CSMD3: variants seen among roughly 807,000 people sequenced by gnomAD.
The protein encoded by CSMD3 is CUB and sushi domain-containing protein 3.
CSMD3 carries 177 observed loss-of-function variants against 435.2 expected under a neutral mutation model. The observed-to-expected ratio is 0.41, with a 90% CI of 0.36 to 0.46. CSMD3 has a LOEUF of 0.46. Ranked by LOEUF, CSMD3 falls within the 20% of genes least tolerant of loss-of-function variation. The pLI, the probability that CSMD3 is intolerant of heterozygous loss-of-function variation, is 0.34. For missense variants in CSMD3, 4,265 were observed against 4,504.6 expected (o/e 0.95, Z 1.52); for synonymous variants, 1,656 against 1,520.5 (o/e 1.09, Z -2.07).
chr8:112,476,236 G>A (rs1819039556), intron 31 of CSMD3, among the ~76,000 whole-genome samples: 1 of 152,022 alleles, frequency 6.6e-6, no homozygotes, highest in Admixed American at 6.6e-5. Flanking sequence ...AGTAGGGATG[G>A]GGTTTTACCA....
At chr8:113,048,570 A>T (rs1312183454) in intron 5 of CSMD3, among the ~76,000 whole-genome samples, 1 of 152,170 alleles carries the variant, frequency 6.6e-6, no homozygotes, top group Non-Finnish European at 1.5e-5. Context: ...CTCTAGATTA[A>T]AAAAGAAAGA....
At chr8:113,270,174 G>C (rs186470540) in intron 3 of CSMD3, among the ~76,000 whole-genome samples, 58 of 152,246 alleles carry the variant, frequency 3.8e-4, no homozygotes, top group African/African-American at 1.4e-3. Context: ...CTTCTCAAAA[G>C]AAGATATTTA....
chr8:113,327,513 C>T (rs952613163), intron 1 of CSMD3, among the ~76,000 whole-genome samples: 1 of 152,036 alleles, frequency 6.6e-6, no homozygotes. Context: ...TGCTCCCACT[C>T]CCCTCTTCCC....
intron 1 of CSMD3, among the ~76,000 whole-genome samples, chr8:113,395,509 T>C (rs1274419368): frequency 6.7e-6 from 1 of 150,366 alleles, no homozygotes; most frequent in African/African-American, 2.5e-5. Context: ...TTCGGGAGGC[T>C]GAGGCAGGAT....
intron 1 of CSMD3, among the ~76,000 whole-genome samples, chr8:113,405,917 G>T (rs1234710677): frequency 6.6e-6 from 1 of 151,660 alleles, no homozygotes; most frequent in Non-Finnish European, 1.5e-5. Context: ...GTAATGAGAG[G>T]ATTATTTAGA....
intron 40 of CSMD3, among the ~76,000 whole-genome samples, chr8:112,349,882 C>A (rs1333575048): frequency 6.6e-6 from 1 of 152,034 alleles, no homozygotes; most frequent in African/African-American, 2.4e-5. Context: ...TATGTCCCCC[C>A]AAAATTTATA....
intron 1 of CSMD3, among the ~76,000 whole-genome samples, chr8:113,319,043 A>T (rs556003174): frequency 2.0e-5 from 3 of 151,972 alleles, no homozygotes; most frequent in Non-Finnish European, 1.5e-5. Flanking sequence ...TGGTTCTTGT[A>T]TCTCATTTTG....
At chr8:113,275,569 G>T in intron 3 of CSMD3, among the ~76,000 whole-genome samples, 1 of 151,832 alleles carries the variant, frequency 6.6e-6, no homozygotes, top group Non-Finnish European at 1.5e-5. Flanking sequence ...TAATAAATAC[G>T]GTCTCATAAA....
chr8:112,874,144 T>G (rs2081213114), intron 10 of CSMD3, among the ~76,000 whole-genome samples: 1 of 152,180 alleles, frequency 6.6e-6, no homozygotes, highest in Admixed American at 6.5e-5. Flanking sequence ...ACTTATTTAT[T>G]TCTGCCTTAA....
At chr8:112,520,877 AATAG>A (rs1417512856) in intron 27 of CSMD3, among the ~76,000 whole-genome samples, 2 of 151,932 alleles carry the variant, frequency 1.3e-5, no homozygotes, top group East Asian at 3.9e-4. Flanking sequence ...AGGGTAAAGC[AATAG>A]ATAGAAGCAC....
At chr8:113,087,285 A>G (rs892408524) in intron 5 of CSMD3, among the ~76,000 whole-genome samples, 1 of 151,844 alleles carries the variant, frequency 6.6e-6, no homozygotes. Context: ...ATATTGCCCA[A>G]GGTAATTTAC....
intron 31 of CSMD3, among the ~76,000 whole-genome samples, chr8:112,488,328 C>T (rs1820339889): frequency 6.6e-6 from 1 of 152,104 alleles, no homozygotes; most frequent in Non-Finnish European, 1.5e-5. Context: ...ACACGCTAAA[C>T]ACGATATTAT....
At chr8:112,775,796 T>G (rs1322962642) in intron 13 of CSMD3, among the ~76,000 whole-genome samples, 2 of 152,040 alleles carry the variant, frequency 1.3e-5, no homozygotes, top group East Asian at 3.9e-4. Flanking sequence ...GTTTTAACTA[T>G]CTTCCATCTT....
chr8:112,292,540 T>G lies in CSMD3; in HGVS notation c.8785A>C (p.Lys2929Gln), dbSNP rs747768712. The change falls in exon 55 of 71, where the codon AAA becomes CAA. Residue 2929 changes from lysine to glutamine, a missense_variant. Around this residue, in one of 3 missense-constraint regions of CSMD3, gnomAD observed 3,255 missense variants for 3,380.2 expected, o/e 0.96. Coordinates refer to ENST00000297405, the MANE Select transcript of CSMD3 (RefSeq NM_198123.2). ...RQWSHPPPMCKVVNCSDPGIP... is the reference protein window; with the variant it reads ...RQWSHPPPMCQVVNCSDPGIP... The stretch of plus-strand genomic sequence containing the variant: ...GGGAATATACTTAGACATTTACCTT[T>G]GCACATAGGTGGAGGATGGCTCCAC... 4.3e-6 allele frequency: 7 copies of G among 1,613,656 alleles called. No individual in the cohort carries two copies. Among genetic ancestry groups the G allele is most frequent in the African/African-American group, 4.0e-5 (3 of 74,914 alleles).
chr8:113,279,025 T>C (rs2093593064), intron 2 of CSMD3, among the ~76,000 whole-genome samples: 1 of 151,642 alleles, frequency 6.6e-6, no homozygotes, highest in Non-Finnish European at 1.5e-5. Context: ...AGATAAATAC[T>C]AATTTATTCT....
At chr8:112,499,222 G>C (rs764169383) in intron 30 of CSMD3, among the ~76,000 whole-genome samples, 3 of 151,816 alleles carry the variant, frequency 2.0e-5, no homozygotes, top group Non-Finnish European at 2.9e-5. Context: ...AAAGAAAAAG[G>C]CTAATAAGTA....
intron 23 of CSMD3, among the ~76,000 whole-genome samples, chr8:112,575,311 C>T (rs73702310): frequency 2.0e-5 from 3 of 152,130 alleles, no homozygotes; most frequent in African/African-American, 4.8e-5. Flanking sequence ...TATAGACTCA[C>T]GTGTACCCTC....
chr8:113,141,266 A>C (rs1391181458), intron 4 of CSMD3, among the ~76,000 whole-genome samples: 1 of 150,858 alleles, frequency 6.6e-6, no homozygotes, highest in Non-Finnish European at 1.5e-5. Context: ...AAACAACACC[A>C]ATTATACATA....
At chr8:112,918,662 G>A (rs1238714142) in intron 10 of CSMD3, among the ~76,000 whole-genome samples, 1 of 151,778 alleles carries the variant, frequency 6.6e-6, no homozygotes, top group Non-Finnish European at 1.5e-5. Flanking sequence ...CTGTAAACTG[G>A]CAAATACTTT....
Sources: gnomAD v4.1 joint callset for allele counts (sites outside exome capture counted in the v4.1 genomes callset) on GRCh38, gnomAD v4.1.1 for gene constraint, gnomAD v4.1.1 regional missense constraint, MANE v1.5 for transcripts, NCBI Gene and HGNC (gene_info 2026-07-23, HGNC 2026-07-21) for gene names.